STAG1: variants seen among roughly 807,000 people sequenced by gnomAD.
STAG1 encodes the protein STAG1 cohesin complex component.
STAG1 carries 26 observed loss-of-function variants against 170.9 expected under a neutral mutation model. The observed-to-expected ratio is 0.15, with a 90% CI of 0.11 to 0.21. STAG1 has a LOEUF of 0.21. STAG1 is among the 10% of genes least tolerant of loss of function. The probability of loss-of-function intolerance (pLI) is 1.00; values close to 1 mark genes in which losing one functional copy is unlikely to be tolerated. For synonymous variants in STAG1, 514 were observed against 497.7 expected, an observed-to-expected ratio of 1.03 and a Z score of -0.44; for missense variants, 964 against 1,509.5, an observed-to-expected ratio of 0.64 and a Z score of 5.99.
intron 9 of STAG1, among the ~76,000 whole-genome samples, chr3:136,499,468 T>C (rs889961411): frequency 1.3e-5 from 2 of 152,200 alleles, no homozygotes; most frequent in African/African-American, 4.8e-5. Flanking sequence ...CACCGCTCTA[T>C]ATTAATTAGC....
intron 1 of STAG1, among the ~76,000 whole-genome samples, chr3:136,681,040 C>T (rs1243812985): frequency 2.0e-5 from 3 of 152,072 alleles, no homozygotes; most frequent in African/African-American, 4.8e-5. Context: ...CCTAATAAAA[C>T]ATAAATGCTA....
chr3:136,612,815 CACT>C (rs1380110157), intron 3 of STAG1, among the ~76,000 whole-genome samples: 1 of 152,180 alleles, frequency 6.6e-6, no homozygotes, highest in Non-Finnish European at 1.5e-5. Flanking sequence ...TCTGGGTCAC[CACT>C]GTTAGGCAAT....
chr3:136,519,723 CTGTT>C (rs1934577965), intron 7 of STAG1, among the ~76,000 whole-genome samples: 1 of 151,858 alleles, frequency 6.6e-6, no homozygotes, highest in African/African-American at 2.4e-5. Flanking sequence ...CATTATATAA[CTGTT>C]TGAATAATAA....
At chr3:136,651,303 C>G (rs964748598) in intron 1 of STAG1, among the ~76,000 whole-genome samples, 2 of 149,982 alleles carry the variant, frequency 1.3e-5, no homozygotes, top group Admixed American at 1.3e-4. Flanking sequence ...GAAGTCAAAG[C>G]TGCAGTGAGC....
At chr3:136,339,371 A>AAATT (rs1174060424) in intron 32 of STAG1, among the ~76,000 whole-genome samples, 1 of 152,192 alleles carries the variant, frequency 6.6e-6, no homozygotes, top group African/African-American at 2.4e-5. Flanking sequence ...AAAAATATAA[A>AAATT]AATTAACTGG....
At chr3:136,339,274 G>A (rs1221735685) in intron 32 of STAG1, among the ~76,000 whole-genome samples, 3 of 152,138 alleles carry the variant, frequency 2.0e-5, no homozygotes, top group African/African-American at 2.4e-5. Context: ...AGGCATGGTC[G>A]CTCACACCTG....
intron 3 of STAG1, among the ~76,000 whole-genome samples, chr3:136,606,385 C>T (rs1003390489): frequency 3.3e-5 from 5 of 152,078 alleles, no homozygotes; most frequent in African/African-American, 4.8e-5. Flanking sequence ...GACAAGGTTT[C>T]GCCATGTTGG....
chr3:136,351,190 T>C (rs1936421166), intron 28 of STAG1, among the ~76,000 whole-genome samples: 1 of 152,174 alleles, frequency 6.6e-6, no homozygotes, highest in African/African-American at 2.4e-5. Context: ...TATTTTTTTT[T>C]TTTCATCACA....
chr3:136,734,978 GCA>G (rs1934254604), intron 1 of STAG1, among the ~76,000 whole-genome samples: 1 of 152,138 alleles, frequency 6.6e-6, no homozygotes, highest in African/African-American at 2.4e-5. Context: ...CACCAGGCCT[GCA>G]GTTTCTGGTC....
chr3:136,584,290 A>G (rs1201736461), intron 4 of STAG1, among the ~76,000 whole-genome samples: 1 of 152,154 alleles, frequency 6.6e-6, no homozygotes, highest in Admixed American at 6.6e-5. Context: ...TATACATTCA[A>G]CCAGTTCACA....
intron 16 of STAG1, among the ~76,000 whole-genome samples, chr3:136,433,340 C>T (rs2107746884): frequency 6.6e-6 from 1 of 151,884 alleles, no homozygotes; most frequent in Middle Eastern, 3.4e-3. Context: ...AGTACAATAA[C>T]AGAAGCAGGT....
intron 3 of STAG1, among the ~76,000 whole-genome samples, chr3:136,608,258 CA>C (rs397875177): frequency 8.0e-4 from 100 of 125,116 alleles, no homozygotes; most frequent in Middle Eastern, 4.5e-3. Flanking sequence ...GACTCCATCT[CA>C]AAAAAAAAAA....
chr3:136,574,401 TATAACA>T (rs1169749098), intron 4 of STAG1, among the ~76,000 whole-genome samples: 4 of 152,110 alleles, frequency 2.6e-5, no homozygotes, highest in African/African-American at 7.2e-5. Context: ...TTGATGTAAC[TATAACA>T]ATAACAGGTT....
At chr3:136,535,524 A>G (rs986878735) in intron 6 of STAG1, among the ~76,000 whole-genome samples, 23 of 152,116 alleles carry the variant, frequency 1.5e-4, no homozygotes, top group Admixed American at 3.3e-4. Context: ...TTAGCTAGGC[A>G]CAGTGGCACA....
In STAG1 at chr3:136,343,833, T is replaced by C; in HGVS notation, c.3445A>G (p.Asn1149Asp). 2.6e-6 allele frequency: 4 copies of C among 1,536,362 alleles called. No individual in the cohort carries two copies. Among genetic ancestry groups the C allele is most frequent in the Non-Finnish European group, 3.5e-6 (4 of 1,143,256 alleles). ...AAAAGACAAATTTTTGCTACTTACT[T>C]GTGTAAAAAGTCTGGTTCAGAACCA... ...EHGSEPDFLH[N>D]PQMQISWLGQ... is the part of the protein sequence containing the mutation. Residue 1149 changes from asparagine to aspartate, a missense_variant and splice_region_variant, in exon 30 of 34, where the codon AAT (asparagine) becomes GAT (aspartate). Transcript: ENST00000383202.
At chr3:136,494,639 G>T (rs991921161) in intron 9 of STAG1, among the ~76,000 whole-genome samples, 19 of 151,996 alleles carry the variant, frequency 1.3e-4, no homozygotes, top group African/African-American at 4.1e-4. Context: ...GAAAATCAAT[G>T]AACACAATAC....
chr3:136,556,797 G>A lies in STAG1; in HGVS notation c.394+11968C>T, dbSNP rs537780831. Reference sequence around the variant, plus strand: ...AGGGTTTTACCATGTTGCCCAGGCTGGACACCAATCCCTGGGCTCAAGAGA... The same window carrying A: ...AGGGTTTTACCATGTTGCCCAGGCTAGACACCAATCCCTGGGCTCAAGAGA... On this transcript the variant is annotated intron_variant, in intron 5 of 33. Coordinates refer to ENST00000383202, the MANE Select transcript of STAG1 (RefSeq NM_005862.3). 7.2e-5 allele frequency among the ~76,000 whole-genome samples: 11 copies of A among 151,978 alleles called. No individual in the cohort carries two copies. The South Asian group carries it at 2.3e-3, about 32-fold the overall frequency.
rs767401141 is a variant in STAG1, at chr3:136,418,360, C to CAAAAAAAAAA, written c.2109-398_2109-389dup. On this transcript the variant is annotated intron_variant, in intron 20 of 33. Coordinates refer to ENST00000383202, the MANE Select transcript of STAG1 (RefSeq NM_005862.3). ...GGGTAACTGAGCAAGACTCTGTCTC[C>CAAAAAAAAAA]AAAAAAAAAAAAAAAAAAAAAAAAA... Among the ~76,000 whole-genome samples the CAAAAAAAAAA allele has an allele frequency of 4.0e-4, 20 of 49,760 alleles. 1 individual carries two copies. The highest frequency in any genetic ancestry group is 1.1e-3 in the African/African-American group (10 of 9,266). 32.6% of individuals were successfully genotyped at this position (49,760 alleles called of 152,430 possible). A position where few individuals can be genotyped will look rare whatever the true frequency, so the allele number is the denominator to read the frequency against.
intron 1 of STAG1, among the ~76,000 whole-genome samples, chr3:136,747,421 G>A (rs1934999227): frequency 6.6e-6 from 1 of 152,068 alleles, no homozygotes; most frequent in African/African-American, 2.4e-5. Flanking sequence ...ACACACACTG[G>A]CTCACGCCTG....
Sources: allele counts gnomAD v4.1 joint callset (sites outside exome capture counted in the v4.1 genomes callset), GRCh38; gene constraint gnomAD v4.1.1; transcripts MANE v1.5; gene names NCBI Gene and HGNC (gene_info 2026-07-23, HGNC 2026-07-21).